Variants in ATP8A2 observed in about 807,000 individuals in gnomAD.
ATP8A2 encodes phospholipid-transporting ATPase IB.
In ATP8A2, 100 loss-of-function variants were observed where a neutral mutation model predicts 165.6. The ratio of observed to expected loss-of-function variants is 0.60; its 90% CI spans 0.51 to 0.71. ATP8A2 has a LOEUF of 0.71. Ranked by LOEUF, ATP8A2 falls within the 30% of genes least tolerant of loss-of-function variation. The probability of loss-of-function intolerance (pLI) is 0.00; values close to 1 mark genes in which losing one functional copy is unlikely to be tolerated. For synonymous variants in ATP8A2, 543 were observed against 548.8 expected (o/e 0.99, Z 0.15); for missense variants, 1,227 against 1,479.5 (o/e 0.83, Z 2.80).
intron 24 of ATP8A2, among the ~76,000 whole-genome samples, chr13:25,668,828 C>T (rs557869368): frequency 1.3e-5 from 2 of 152,026 alleles, no homozygotes; most frequent in Non-Finnish European, 2.9e-5. Flanking sequence ...CTATTGAACC[C>T]CTTTAGTGAA....
intron 25 of ATP8A2, among the ~76,000 whole-genome samples, chr13:25,742,676 TCTG>T (rs541414573): frequency 0.033 from 3,847 of 116,298 alleles, 58 homozygotes; most frequent in South Asian, 0.063. Context: ...TCTCTCTCTC[TCTG>T]TCTTTTTTTT....
chr13:25,734,918 C>G (rs537570153), intron 25 of ATP8A2, among the ~76,000 whole-genome samples: 230 of 152,228 alleles, frequency 1.5e-3, no homozygotes, highest in African/African-American at 5.2e-3. Flanking sequence ...GGATTACAGG[C>G]GTGAGCTACC....
At chr13:25,506,528 T>G (rs7334081) in intron 2 of ATP8A2, among the ~76,000 whole-genome samples, 97,311 of 152,084 alleles carry the variant, frequency 0.64, 32,226 homozygotes, top group Middle Eastern at 0.72. Flanking sequence ...GATGTACCCA[T>G]TTGGAAACCC....
chr13:25,688,779 G>A lies in ATP8A2; in HGVS notation c.2212-10394G>A, dbSNP rs556854530. Among the ~76,000 whole-genome samples, 14 of 152,334 alleles carry A rather than the reference G, an allele frequency of 9.2e-5. No homozygotes were observed. In the South Asian group the frequency reaches 2.7e-3, roughly 29 times the overall value. On this transcript the variant is annotated intron_variant, in intron 24 of 36. Coordinates refer to ENST00000381655, the MANE Select transcript of ATP8A2 (RefSeq NM_016529.6). ...GCCCTGTGGGCTAACCTGCAGCCTG[G>A]GAGCCTGTGGGGGACAGCCCAGCTT...
chr13:25,747,349 G>A (rs1031471442), intron 25 of ATP8A2, among the ~76,000 whole-genome samples: 11 of 152,240 alleles, frequency 7.2e-5, no homozygotes, highest in African/African-American at 2.2e-4. Flanking sequence ...GGTTAGTAGC[G>A]AAGTCAGTTT....
At position 25,870,355 on chromosome 13, in the gene ATP8A2, T is replaced by C. The variant is rs547774339; in HGVS notation, c.3183+7947T>C. Among the ~76,000 whole-genome samples the C allele has an allele frequency of 1.4e-4, 21 of 151,852 alleles. No individual in the cohort carries two copies. In the South Asian group the frequency reaches 4.4e-3, roughly 32 times the overall value. ...GAAATGCAACATTTGGGCAGGAAAA[T>C]AAAAATGCCTGTCCTCACCTAGGTC... On this transcript the variant is annotated intron_variant, in intron 33 of 36. Coordinates refer to ENST00000381655, the MANE Select transcript of ATP8A2 (RefSeq NM_016529.6).
chr13:25,856,311 C>T (rs1952165267), intron 30 of ATP8A2, among the ~76,000 whole-genome samples: 1 of 152,130 alleles, frequency 6.6e-6, no homozygotes, highest in African/African-American at 2.4e-5. Context: ...TACTGCATGG[C>T]CTCACTTATA....
At chr13:25,814,496 A>T (rs957646889) in intron 27 of ATP8A2, among the ~76,000 whole-genome samples, 1 of 152,104 alleles carries the variant, frequency 6.6e-6, no homozygotes, top group Non-Finnish European at 1.5e-5. Context: ...TACAGTAGTC[A>T]AAACAGTGTG....
At chr13:25,871,286 CT>C (rs1952672031) in intron 33 of ATP8A2, 1 of 290,928 alleles carries the variant, frequency 3.4e-6, no homozygotes, top group African/African-American at 2.3e-5. Context: ...TGAACTTTTC[CT>C]TTCTTGAAAC....
chr13:25,753,029 G>A (rs2044186561), intron 25 of ATP8A2, among the ~76,000 whole-genome samples: 1 of 152,156 alleles, frequency 6.6e-6, no homozygotes, highest in East Asian at 1.9e-4. Context: ...CACCAGCGCT[G>A]GCTGCTGTGG....
At chr13:25,669,682 C>T (rs2042225282) in intron 24 of ATP8A2, among the ~76,000 whole-genome samples, 1 of 152,180 alleles carries the variant, frequency 6.6e-6, no homozygotes, top group Non-Finnish European at 1.5e-5. Context: ...CTGTCCCTTA[C>T]TAGTTTTTAT....
At chr13:25,816,490 C>A (rs987592420) in intron 27 of ATP8A2, among the ~76,000 whole-genome samples, 1 of 152,182 alleles carries the variant, frequency 6.6e-6, no homozygotes, top group African/African-American at 2.4e-5. Flanking sequence ...CAAGTGGCCA[C>A]CACATTTGGA....
rs531215011 is a variant in ATP8A2 at position 25,856,568 on chromosome 13, A to G, written c.2957-3627A>G. Reference sequence around the variant, plus strand: ...AAAATGATTTTATAGCTTTGTTTCTATGATCCATTTTTAAAAATTTTTATT... The same window carrying G: ...AAAATGATTTTATAGCTTTGTTTCTGTGATCCATTTTTAAAAATTTTTATT... On this transcript the variant is annotated intron_variant, in intron 30 of 36. Coordinates refer to ENST00000381655, the MANE Select transcript of ATP8A2 (RefSeq NM_016529.6). 1.3e-3 allele frequency among the ~76,000 whole-genome samples: 196 copies of G among 152,344 alleles called. 1 individual carries two copies. Among genetic ancestry groups the G allele is most frequent in the Admixed American group, 3.7e-3 (57 of 15,306 alleles).
chr13:25,782,766 G>A (rs180875075), intron 27 of ATP8A2, among the ~76,000 whole-genome samples: 1 of 152,326 alleles, frequency 6.6e-6, no homozygotes, highest in East Asian at 1.9e-4. Context: ...TTGAGACGGA[G>A]TTTCACTCTT....
At chr13:25,651,315 T>C (rs1433745577) in intron 24 of ATP8A2, among the ~76,000 whole-genome samples, 2 of 151,996 alleles carry the variant, frequency 1.3e-5, no homozygotes, top group East Asian at 3.9e-4. Context: ...TGGTGGCGTA[T>C]GCTTGTAGTC....
chr13:25,494,078 G>A (rs914834119), intron 2 of ATP8A2, among the ~76,000 whole-genome samples: 4 of 152,132 alleles, frequency 2.6e-5, no homozygotes, highest in South Asian at 2.1e-4. Context: ...GGGGTAGGGC[G>A]GAGAGTTTGA....
At chr13:25,784,176 T>C (rs1279208573) in intron 27 of ATP8A2, among the ~76,000 whole-genome samples, 4 of 15,902 alleles carry the variant, frequency 2.5e-4, no homozygotes, top group Admixed American at 9.2e-4. Context: ...TTTTTAGGCA[T>C]TGATGGTTTA....
intron 2 of ATP8A2, among the ~76,000 whole-genome samples, chr13:25,482,466 GC>G (rs953957380): frequency 2.6e-5 from 4 of 152,144 alleles, no homozygotes; most frequent in African/African-American, 9.7e-5. Context: ...GTACGAGTCA[GC>G]CTGGAAACTT....
chr13:25,523,136 A>AT (rs1202604786), intron 2 of ATP8A2, among the ~76,000 whole-genome samples: 1 of 151,436 alleles, frequency 6.6e-6, no homozygotes, highest in Non-Finnish European at 1.5e-5. Flanking sequence ...AAAAAAAAGA[A>AT]TTTTTTCATC....
Sources: gnomAD v4.1 joint callset for allele counts (sites outside exome capture counted in the v4.1 genomes callset) on GRCh38, gnomAD v4.1.1 for gene constraint, MANE v1.5 for transcripts, NCBI Gene and HGNC (gene_info 2026-07-23, HGNC 2026-07-21) for gene names.